TRPM3: variants seen among roughly 807,000 people sequenced by gnomAD.
TRPM3 encodes transient receptor potential cation channel subfamily M member 3.
TRPM3 carries 77 observed loss-of-function variants against 181.2 expected under a neutral mutation model. The ratio of observed to expected loss-of-function variants is 0.42; its 90% CI spans 0.35 to 0.51. TRPM3 has a LOEUF of 0.51. Among genes scored for constraint, TRPM3 ranks in the 20% least tolerant of loss-of-function variants. TRPM3 has a pLI of 0.01. For missense variants in TRPM3, 1,759 were observed against 2,196.7 expected (o/e 0.80, Z 3.98); for synonymous variants, 745 against 796.4 (o/e 0.94, Z 1.09).
At position 70,537,282 on chromosome 9, in the gene TRPM3, C is replaced by T. The variant is rs138205746; in HGVS notation, c.3831G>A (p.Thr1277=). 36 of 1,566,092 alleles carry T rather than the reference C, an allele frequency of 2.3e-5. No individual in the cohort carries two copies. Among genetic ancestry groups the T allele is most frequent in the Admixed American group, 1.1e-4 (6 of 53,332 alleles). The change falls in exon 26 of 26, where the codon ACG becomes ACA. Residue 1277 remains threonine (T), a synonymous_variant. Coordinates refer to ENST00000677713, the MANE Select transcript of TRPM3 (RefSeq NM_001366145.2). ...CCAGACCTGTCAGGCGCTCCAGGGC[C>T]GTGGCCATGCGCCCGATAAGGTCTT... The part of the protein sequence containing the change: ...QLEDLIGRMA[T]ALERLTGLER...
At chr9:71,249,341 G>C (rs1228655618) in intron 1 of TRPM3, among the ~76,000 whole-genome samples, 3 of 152,110 alleles carry the variant, frequency 2.0e-5, no homozygotes, top group East Asian at 3.9e-4. Context: ...TTGGAGCTTT[G>C]ATGTGATTGT....
chr9:71,243,470 T>C (rs2081843875), intron 1 of TRPM3, among the ~76,000 whole-genome samples: 1 of 152,258 alleles, frequency 6.6e-6, no homozygotes, highest in South Asian at 2.1e-4. Flanking sequence ...TCATTTCATT[T>C]TTATGTATTG....
intron 1 of TRPM3, among the ~76,000 whole-genome samples, chr9:71,296,439 A>C (rs780723853): frequency 1.3e-5 from 2 of 152,196 alleles, no homozygotes. Context: ...ACTAGAATAC[A>C]AAGAAGGGAT....
chr9:71,436,298 C>CTTTTTTTTTTTTTTTT (rs71352382), intron 1 of TRPM3, among the ~76,000 whole-genome samples: 20 of 77,292 alleles, frequency 2.6e-4, no homozygotes, highest in African/African-American at 3.1e-4. Flanking sequence ...TTTTTTCTTT[C>CTTTTTTTTTTTTTTTT]TTTTTTTTTT....
chr9:71,169,129 C>T (rs1044999357), intron 1 of TRPM3, among the ~76,000 whole-genome samples: 2 of 152,146 alleles, frequency 1.3e-5, no homozygotes, highest in African/African-American at 4.8e-5. Context: ...TTGCTAAGTT[C>T]CAGCTGATTC....
rs556247593 is a variant in TRPM3 at position 70,918,157 on chromosome 9, C to T, written c.178-53646G>A. On this transcript the variant is annotated intron_variant, in intron 1 of 25. Coordinates refer to ENST00000677713, the MANE Select transcript of TRPM3 (RefSeq NM_001366145.2). ...GATTATTAGAGCTAAGGAGATAGAC[C>T]CCAATACAATAATAGCTGGAGATTT... Among the ~76,000 whole-genome samples the T allele has an allele frequency of 3.3e-5, 5 of 152,138 alleles. No individual in the cohort carries two copies. The South Asian group carries it at 1.0e-3, about 32-fold the overall frequency.
intron 8 of TRPM3, among the ~76,000 whole-genome samples, chr9:70,745,926 A>G (rs1351414452): frequency 6.6e-6 from 1 of 152,228 alleles, no homozygotes; most frequent in East Asian, 1.9e-4. Context: ...TGAGAGGAAC[A>G]AGAAACATCT....
intron 1 of TRPM3, among the ~76,000 whole-genome samples, chr9:71,357,022 T>C (rs965269613): frequency 1.3e-5 from 2 of 152,268 alleles, no homozygotes; most frequent in African/African-American, 2.4e-5. Context: ...ACGTGGTTGA[T>C]GGCAGCCTTG....
intron 1 of TRPM3, among the ~76,000 whole-genome samples, chr9:70,962,773 A>G (rs1230676097): frequency 6.6e-6 from 1 of 152,110 alleles, no homozygotes; most frequent in Non-Finnish European, 1.5e-5. Context: ...AAAATATCTT[A>G]CTGTATGGTA....
chr9:70,535,171 C>T lies in TRPM3; in HGVS notation c.*782G>A, dbSNP rs375426719. ...CTGAGCTTGCTCGACTAGACTTGAA[C>T]GCCCACTGTATATAATAAATCACTT... On this transcript the variant is annotated 3_prime_UTR_variant, in exon 26 of 26. Transcript: ENST00000677713. The T allele has an allele frequency of 3.1e-4, 122 of 394,478 alleles. No individual in the cohort carries two copies. Among genetic ancestry groups the T allele is most frequent in the Non-Finnish European group, 4.6e-4 (102 of 223,886 alleles). 24.4% of individuals were successfully genotyped at this position (394,478 alleles called of 1,614,324 possible).
intron 9 of TRPM3, among the ~76,000 whole-genome samples, chr9:70,668,272 T>C (rs906957022): frequency 6.6e-6 from 1 of 152,182 alleles, no homozygotes; most frequent in African/African-American, 2.4e-5. Flanking sequence ...ACTTAGCCTC[T>C]CCATACCTCA....
chr9:71,292,844 T>C (rs1490530387), intron 1 of TRPM3, among the ~76,000 whole-genome samples: 5 of 151,772 alleles, frequency 3.3e-5, no homozygotes, highest in African/African-American at 4.8e-5. Context: ...AAATGAAAAA[T>C]AACAGGCCAA....
chr9:71,282,334 GAGAA>G lies in TRPM3; in HGVS notation c.183+164315_183+164318del, dbSNP rs1463393014. Among the ~76,000 whole-genome samples the G allele has an allele frequency of 2.3e-4, 12 of 51,618 alleles. 2 individuals are homozygous for G. The highest frequency in any genetic ancestry group is 4.8e-4 in the Non-Finnish European group (12 of 25,058). 33.9% of individuals were successfully genotyped at this position (51,618 alleles called of 152,430 possible). A position where few individuals can be genotyped will look rare whatever the true frequency, so the allele number is the denominator to read the frequency against. On this transcript the variant is annotated intron_variant, in intron 1 of 24. Coordinates refer to the TRPM3 transcript ENST00000357533. ...AAGAAAGAAAGAAAGGAAAGAAAGA[GAGAA>G]AGAAAGAAAAGAAAGAAAGAAAAAG...
At chr9:71,166,347 T>G (rs1029168708) in intron 1 of TRPM3, among the ~76,000 whole-genome samples, 1 of 152,118 alleles carries the variant, frequency 6.6e-6, no homozygotes, top group African/African-American at 2.4e-5. Flanking sequence ...GCAGCCCAGT[T>G]ATCTAGCAGG....
At chr9:70,664,223 T>G (rs776314210) in intron 9 of TRPM3, among the ~76,000 whole-genome samples, 9 of 152,174 alleles carry the variant, frequency 5.9e-5, no homozygotes, top group Non-Finnish European at 1.2e-4. Context: ...TAGGTATCAT[T>G]GAATTTTCAT....
At chr9:70,837,021 G>C (rs1215085222) in intron 5 of TRPM3, among the ~76,000 whole-genome samples, 2 of 152,158 alleles carry the variant, frequency 1.3e-5, no homozygotes, top group East Asian at 3.9e-4. Context: ...TGTGGTCCAG[G>C]CTCAGCAAGC....
chr9:70,959,942 A>G (rs928249161), intron 1 of TRPM3, among the ~76,000 whole-genome samples: 1 of 152,144 alleles, frequency 6.6e-6, no homozygotes, highest in African/African-American at 2.4e-5. Context: ...AGCCTAGATA[A>G]GTAACTATAC....
chr9:70,812,155 A>C (rs557099170), intron 6 of TRPM3, among the ~76,000 whole-genome samples: 2 of 152,276 alleles, frequency 1.3e-5, no homozygotes, highest in African/African-American at 4.8e-5. Context: ...CCTTCCTTAG[A>C]GACAGCATTA....
At chr9:70,917,085 G>A in intron 1 of TRPM3, 2 of 1,599,454 alleles carry the variant, frequency 1.3e-6, no homozygotes, top group Non-Finnish European at 1.7e-6. Flanking sequence ...CACTGCAACA[G>A]GTCCACTTTC....
Sources: gnomAD v4.1 joint callset for allele counts (sites outside exome capture counted in the v4.1 genomes callset) on GRCh38, gnomAD v4.1.1 for gene constraint, MANE v1.5 for transcripts, NCBI Gene and HGNC (gene_info 2026-07-23, HGNC 2026-07-21) for gene names.